BDKRB2: variants seen among roughly 807,000 people sequenced by gnomAD.
BDKRB2 encodes bradykinin receptor B2.
A neutral mutation model predicts 4.0 loss-of-function variants in BDKRB2; 6 were observed. The observed-to-expected ratio is 1.49, with a 90% CI of 0.81 to 2.93. The LOEUF (loss-of-function observed/expected upper bound fraction) is 2.93, where lower values mean the gene tolerates loss of function less well. Among genes scored for constraint, BDKRB2 ranks in the 30% most tolerant of loss-of-function variants. The pLI, the probability that BDKRB2 is intolerant of heterozygous loss-of-function variation, is 0.00. For synonymous variants in BDKRB2, 225 were observed against 215.3 expected (o/e 1.05, Z -0.40); for missense variants, 478 against 520.1 (o/e 0.92, Z 0.79).
rs532498483 is a variant in BDKRB2, at chr14:96,208,335, G to C, written c.-40+3376G>C. ...CAGTGGGTTCTGGAAGATTCTGGAGGCTGGAAACATATGTGCCTCCCCCTC... is the reference window on the plus strand; with the variant it reads ...CAGTGGGTTCTGGAAGATTCTGGAGCCTGGAAACATATGTGCCTCCCCCTC... On this transcript the variant is annotated intron_variant, in intron 1 of 2. Coordinates refer to ENST00000554311, the MANE Select transcript of BDKRB2 (RefSeq NM_001379692.1). Among the ~76,000 whole-genome samples, 3 of 152,216 alleles carry C rather than the reference G, an allele frequency of 2.0e-5. No individual in the cohort carries two copies. The South Asian group carries it at 6.2e-4, about 32-fold the overall frequency.
chr14:96,236,955 C>T (rs972496504), intron 1 of BDKRB2, 114 bp from the exon 2 acceptor site: 11 of 693,820 alleles, frequency 1.6e-5, no homozygotes, highest in South Asian at 5.1e-5. Flanking sequence ...ACTTCACAAA[C>T]GTCCATTGAG....
intron 1 of BDKRB2, chr14:96,214,851 G>A (rs1278730490): frequency 6.6e-6 from 1 of 152,250 alleles, no homozygotes; most frequent in African/African-American, 2.4e-5. Flanking sequence ...TGGAGGTTGG[G>A]GAGTTGGTGG....
intron 1 of BDKRB2, among the ~76,000 whole-genome samples, chr14:96,225,788 T>C (rs1890682160): frequency 6.6e-6 from 1 of 152,182 alleles, no homozygotes; most frequent in African/African-American, 2.4e-5. Context: ...GTTTACTGTG[T>C]CTCCTCCTCC....
In BDKRB2 at chr14:96,241,320, T is replaced by C; in HGVS notation, c.992T>C (p.Val331Ala). The C allele has an allele frequency of 6.2e-7, 1 of 1,614,040 alleles. No individual in the cohort carries two copies. The highest frequency in any genetic ancestry group is 8.5e-7 in the Non-Finnish European group (1 of 1,179,952). Residue 331 changes from valine to alanine, a missense_variant, in exon 3 of 3, where the codon GTG becomes GCG. By Grantham distance (64) the Val-to-Ala change is moderately conservative. Coordinates refer to ENST00000554311, the MANE Select transcript of BDKRB2 (RefSeq NM_001379692.1). Reference sequence around the variant, plus strand: ...AGCAACAGCTGCCTCAACCCACTGGTGTACGTGATCGTGGGCAAGCGCTTC... The same window carrying C: ...AGCAACAGCTGCCTCAACCCACTGGCGTACGTGATCGTGGGCAAGCGCTTC... ...AYSNSCLNPLVYVIVGKRFRK... is the reference protein window; with the variant it reads ...AYSNSCLNPLAYVIVGKRFRK...
chr14:96,234,364 C>T (rs893282867), intron 1 of BDKRB2, among the ~76,000 whole-genome samples: 17 of 152,146 alleles, frequency 1.1e-4, no homozygotes, highest in African/African-American at 3.9e-4. Flanking sequence ...GCATAAAGGC[C>T]CCCAAGAGAG....
intron 2 of BDKRB2, chr14:96,238,254 A>T (rs1890984008): frequency 4.5e-6 from 2 of 439,666 alleles, no homozygotes; most frequent in Non-Finnish European, 6.1e-6. Context: ...TGGCTGCTTG[A>T]GTATCCTCAC....
At chr14:96,224,024 T>G (rs557522339) in intron 1 of BDKRB2, among the ~76,000 whole-genome samples, 1 of 152,112 alleles carries the variant, frequency 6.6e-6, no homozygotes, top group South Asian at 2.1e-4. Context: ...TTCTTCGAGA[T>G]GTGATAATGG....
At chr14:96,240,146 G>T in intron 2 of BDKRB2, 1 of 1,209,500 alleles carries the variant, frequency 8.3e-7, no homozygotes, top group Non-Finnish European at 1.0e-6. Context: ...GGTGGATACT[G>T]GCCAAGGAAA....
chr14:96,217,699 C>T (rs539100222), intron 1 of BDKRB2, among the ~76,000 whole-genome samples: 3 of 152,310 alleles, frequency 2.0e-5, no homozygotes, highest in South Asian at 4.1e-4. Context: ...CCTCCTCACT[C>T]TCCCAGTAGC....
chr14:96,228,026 A>C (rs949432827), intron 1 of BDKRB2, among the ~76,000 whole-genome samples: 2 of 152,200 alleles, frequency 1.3e-5, no homozygotes, highest in Non-Finnish European at 2.9e-5. Context: ...AAGCCACAGC[A>C]TCCCCTCCAA....
Position 96,204,970 on chromosome 14 carries a change from G to A in BDKRB2, c.-40+11G>A, listed in dbSNP as rs1407254297. On this transcript the variant is annotated intron_variant, in intron 1 of 2. Coordinates refer to ENST00000554311, the MANE Select transcript of BDKRB2 (RefSeq NM_001379692.1). ...CTTGCTCCGGAGAAGGTGGGTGCCG[G>A]GCAGGGGCTGCTCCAGCCGCCTCAC... 1 of 215,332 alleles carries A rather than the reference G, an allele frequency of 4.6e-6. No homozygotes were observed. Among genetic ancestry groups the A allele is most frequent in the Non-Finnish European group, 1.0e-5 (1 of 100,396 alleles). 13.3% of individuals were successfully genotyped at this position (215,332 alleles called of 1,614,324 possible).
intron 1 of BDKRB2, among the ~76,000 whole-genome samples, chr14:96,235,419 T>C (rs1052287786): frequency 6.6e-6 from 1 of 151,894 alleles, no homozygotes; most frequent in Admixed American, 6.6e-5. Flanking sequence ...GAATTTTCTT[T>C]CTATGAGCCC....
chr14:96,240,378 C>T, intron 2 of BDKRB2, 25 bp from the exon 3 acceptor site: 2 of 1,423,420 alleles, frequency 1.4e-6, no homozygotes, highest in Non-Finnish European at 1.8e-6. Flanking sequence ...TGAGGGGTAA[C>T]AGCCTCTTTT....
At chr14:96,210,572 C>T (rs1360409397) in intron 1 of BDKRB2, among the ~76,000 whole-genome samples, 1 of 152,188 alleles carries the variant, frequency 6.6e-6, no homozygotes, top group African/African-American at 2.4e-5. Flanking sequence ...GTAAGATCCA[C>T]ATCTTGAAAG....
chr14:96,218,926 A>G (rs1223136869), intron 1 of BDKRB2, among the ~76,000 whole-genome samples: 1 of 151,624 alleles, frequency 6.6e-6, no homozygotes, highest in Non-Finnish European at 1.5e-5. Context: ...TTCAAAAAAA[A>G]CAAACAAACG....
At chr14:96,223,350 C>T (rs1336619924) in intron 1 of BDKRB2, 3 of 986,030 alleles carry the variant, frequency 3.0e-6, no homozygotes, top group Non-Finnish European at 4.9e-6. Context: ...AGAAATGAAG[C>T]TGGCGAGCTA....
chr14:96,211,036 C>T (rs1421579777), intron 1 of BDKRB2: 5 of 152,232 alleles, frequency 3.3e-5, no homozygotes, highest in Non-Finnish European at 5.9e-5. Context: ...TAGCAAACTG[C>T]CCATCTCCAC....
At chr14:96,228,970 G>A (rs1489319628) in intron 1 of BDKRB2, among the ~76,000 whole-genome samples, 1 of 152,194 alleles carries the variant, frequency 6.6e-6, no homozygotes, top group Non-Finnish European at 1.5e-5. Flanking sequence ...CTGGAACATG[G>A]GAATAGCAAT....
Position 96,241,420 on chromosome 14 carries a change from G to C in BDKRB2, c.1092G>C (p.Glu364Asp), listed in dbSNP as rs930223969. The change falls in exon 3 of 3, where the codon GAG becomes GAC. Residue 364 changes from glutamate to aspartate, a missense_variant. By Grantham distance (45) the Glu-to-Asp change is conservative. Transcript: ENST00000554311. ...GCAGGTCAGAACCCATTCAGATGGA[G>C]AACTCCATGGGCACACTGCGGACCT... The part of the protein sequence containing the change: ...GGCRSEPIQM[E>D]NSMGTLRTSI... The C allele has an allele frequency of 1.0e-5, 16 of 1,607,816 alleles. No homozygotes were observed. In the African/African-American group the frequency reaches 1.2e-4, roughly 12 times the overall value.
Sources: gnomAD v4.1 joint callset for allele counts (sites outside exome capture counted in the v4.1 genomes callset) on GRCh38, gnomAD v4.1.1 for gene constraint, MANE v1.5 for transcripts, NCBI Gene and HGNC (gene_info 2026-07-23, HGNC 2026-07-21) for gene names.